The following MECOM variants were observed in gnomAD, a reference collection of about 807,000 sequenced individuals.
The protein encoded by MECOM is histone-lysine N-methyltransferase MECOM.
Under a neutral mutation model 116.3 loss-of-function variants are expected in MECOM, and 13 were observed. The observed-to-expected ratio is 0.11, with a 90% CI of 0.07 to 0.18. The LOEUF (loss-of-function observed/expected upper bound fraction) is 0.18. MECOM is among the 10% of genes least tolerant of loss of function. The pLI is 1.00. For missense variants in MECOM, 1,299 were observed against 1,509.0 expected, an observed-to-expected ratio of 0.86 and a Z score of 2.31; for synonymous variants, 528 against 535.2, an observed-to-expected ratio of 0.99 and a Z score of 0.19.
intron 1 of MECOM, among the ~76,000 whole-genome samples, chr3:169,494,067 A>C (rs966067565): frequency 5.9e-5 from 9 of 152,236 alleles, no homozygotes; most frequent in South Asian, 2.1e-4. Flanking sequence ...AGGGAAAATA[A>C]TTGTTATGAT....
chr3:169,330,840 G>C (rs1474220636), intron 2 of MECOM, among the ~76,000 whole-genome samples: 1 of 151,658 alleles, frequency 6.6e-6, no homozygotes, highest in Non-Finnish European at 1.5e-5. Flanking sequence ...CGATAATAAA[G>C]CTTTCATTTT....
At chr3:169,507,245 C>T (rs1372115957) in intron 1 of MECOM, among the ~76,000 whole-genome samples, 1 of 152,208 alleles carries the variant, frequency 6.6e-6, no homozygotes, top group Non-Finnish European at 1.5e-5. Context: ...TCTCTTTCTC[C>T]TCAGACAAGT....
At position 169,436,477 on chromosome 3, in the gene MECOM, C is replaced by T. The variant is rs369196842; in HGVS notation, c.38-54953G>A. 4.6e-5 allele frequency among the ~76,000 whole-genome samples: 7 copies of T among 152,122 alleles called. No homozygotes were observed. The East Asian group carries it at 1.2e-3, about 25-fold the overall frequency. ...GCTGGTCAGGCTGGTCTCAAACTCC[C>T]GACCTCAGGTGATCTGCCTGCTTCA... On this transcript the variant is annotated intron_variant, in intron 1 of 16. Coordinates refer to ENST00000651503, the MANE Select transcript of MECOM (RefSeq NM_004991.4).
rs79000057 is a variant in MECOM, at chr3:169,621,671, T to C, written c.37+41665A>G. Among the ~76,000 whole-genome samples, 220 of 152,244 alleles carry C rather than the reference T, an allele frequency of 1.4e-3. 6 individuals are homozygous for C. The East Asian group carries it at 0.021, about 14-fold the overall frequency. Reference sequence around the variant, plus strand: ...ACTCCGGAGGCTGAAGCAGGAGAATTGCTTGAACCCAGGGGGTGGAGTTTG... The same window carrying C: ...ACTCCGGAGGCTGAAGCAGGAGAATCGCTTGAACCCAGGGGGTGGAGTTTG... On this transcript the variant is annotated intron_variant, in intron 1 of 16. Transcript: ENST00000651503.
intron 1 of MECOM, among the ~76,000 whole-genome samples, chr3:169,574,810 T>C (rs185992562): frequency 6.6e-6 from 1 of 151,156 alleles, no homozygotes; most frequent in Non-Finnish European, 1.5e-5. Context: ...TTTGGGCACT[T>C]ATTGGCCTGT....
At chr3:169,483,953 A>T (rs971010255) in intron 1 of MECOM, 2 of 1,605,760 alleles carry the variant, frequency 1.2e-6, no homozygotes, top group Non-Finnish European at 1.7e-6. Context: ...AATTGGCAGC[A>T]TCCATGATTC....
intron 2 of MECOM, among the ~76,000 whole-genome samples, chr3:169,320,497 C>A (rs777057877): frequency 6.6e-6 from 1 of 152,142 alleles, no homozygotes; most frequent in Non-Finnish European, 1.5e-5. Flanking sequence ...AAGACTAACC[C>A]TTTCCCAGGT....
At chr3:169,291,046 C>T (rs2149695866) in intron 2 of MECOM, among the ~76,000 whole-genome samples, 1 of 152,326 alleles carries the variant, frequency 6.6e-6, no homozygotes, top group East Asian at 1.9e-4. Context: ...GCCTGGGAAT[C>T]TATCTCTGCT....
At chr3:169,630,216 A>C (rs981979394) in intron 1 of MECOM, among the ~76,000 whole-genome samples, 2 of 152,192 alleles carry the variant, frequency 1.3e-5, no homozygotes, top group African/African-American at 4.8e-5. Context: ...AAACCCCGGA[A>C]CAATATCATC....
Position 169,390,978 on chromosome 3 carries a change from G to A in MECOM, c.38-9454C>T, listed in dbSNP as rs1053354653. ...CATGCAGGAGAACTGGATAAACAGC[G>A]TAAATGTAAGTTCAAATTCATTTTC... On this transcript the variant is annotated intron_variant, in intron 1 of 16. Coordinates refer to ENST00000651503, the MANE Select transcript of MECOM (RefSeq NM_004991.4). Among the ~76,000 whole-genome samples the A allele has an allele frequency of 1.5e-4, 23 of 152,256 alleles. 1 individual carries two copies. Among genetic ancestry groups the A allele is most frequent in the East Asian group, 7.7e-4 (4 of 5,184 alleles).
chr3:169,375,509 T>C (rs1427874916), intron 2 of MECOM, among the ~76,000 whole-genome samples: 4 of 151,900 alleles, frequency 2.6e-5, no homozygotes, highest in African/African-American at 9.7e-5. Flanking sequence ...TCACCACTAA[T>C]CCCACAGAAA....
Position 169,128,055 on chromosome 3 carries a change from G to A in MECOM, c.619C>T (p.Arg207Trp), listed in dbSNP as rs1174075539. 4 of 1,613,844 alleles carry A rather than the reference G, an allele frequency of 2.5e-6. No homozygotes were observed. Among genetic ancestry groups the A allele is most frequent in the Middle Eastern group, 1.7e-4 (1 of 6,056 alleles). The change falls in exon 5 of 17, where the codon CGG (arginine) becomes TGG (tryptophan). Residue 207 changes from arginine to tryptophan, a missense_variant. Physicochemically the swap from Arg to Trp is moderately radical, Grantham distance 101. Transcript: ENST00000651503. Reference protein sequence around the residue: ...ETMAPDIHEERQYRCEDCDQL... With the variant: ...ETMAPDIHEEWQYRCEDCDQL... ...TCACAGTCTTCGCAGCGATATTGCCGTTCTTCTGTGAAAACAATTCAGGTG... is the reference window on the plus strand; with the variant it reads ...TCACAGTCTTCGCAGCGATATTGCCATTCTTCTGTGAAAACAATTCAGGTG...
chr3:169,648,497 A>G (rs1292145447), intron 1 of MECOM, among the ~76,000 whole-genome samples: 1 of 152,242 alleles, frequency 6.6e-6, no homozygotes, highest in African/African-American at 2.4e-5. Flanking sequence ...CATCATTATC[A>G]ACAGAATACG....
At chr3:169,662,176 C>T (rs1024600194) in intron 1 of MECOM, among the ~76,000 whole-genome samples, 1 of 152,236 alleles carries the variant, frequency 6.6e-6, no homozygotes, top group African/African-American at 2.4e-5. Flanking sequence ...GGACTCCCAC[C>T]GCCCCCTCCC....
intron 2 of MECOM, among the ~76,000 whole-genome samples, chr3:169,191,792 A>AAGAAAGAAAGAAAGAAAGAAAGGG (rs1296781633): frequency 1.2e-4 from 18 of 145,942 alleles, no homozygotes; most frequent in East Asian, 6.5e-4. Flanking sequence ...GAAAGAAAGA[A>AAGAAAGAAAGAAAGAAAGAAAGGG]AGGGAGGGAA....
intron 1 of MECOM, among the ~76,000 whole-genome samples, chr3:169,561,949 C>A (rs184913062): frequency 7.3e-5 from 11 of 151,718 alleles, no homozygotes; most frequent in Non-Finnish European, 1.5e-4. Flanking sequence ...AGTTCAAGAC[C>A]AGTCTGGCCA....
At chr3:169,486,852 A>G (rs1021673793) in intron 1 of MECOM, among the ~76,000 whole-genome samples, 2 of 152,224 alleles carry the variant, frequency 1.3e-5, no homozygotes, top group Admixed American at 6.5e-5. Context: ...ATTCAAGCAA[A>G]TACTCTTTTA....
intron 2 of MECOM, among the ~76,000 whole-genome samples, chr3:169,238,097 C>T (rs576990435): frequency 6.6e-6 from 1 of 151,184 alleles, no homozygotes; most frequent in South Asian, 2.1e-4. Context: ...ATCGCTTGAA[C>T]CCAGGGGGCA....
chr3:169,276,097 T>C (rs932069880), intron 2 of MECOM, among the ~76,000 whole-genome samples: 36 of 152,230 alleles, frequency 2.4e-4, no homozygotes, highest in African/African-American at 8.4e-4. Flanking sequence ...TGCATTTGTC[T>C]GCCATAGCCA....
Sources: allele counts gnomAD v4.1 joint callset (sites outside exome capture counted in the v4.1 genomes callset), GRCh38; gene constraint gnomAD v4.1.1; transcripts MANE v1.5; gene names NCBI Gene and HGNC (gene_info 2026-07-23, HGNC 2026-07-21).